PRICKLE2: variants seen among roughly 807,000 people sequenced by gnomAD.
PRICKLE2 encodes the protein prickle-like protein 2.
PRICKLE2 carries 21 observed loss-of-function variants against 81.4 expected under a neutral mutation model. That is an observed-to-expected ratio of 0.26 (90% CI 0.18 to 0.37). The LOEUF is 0.37. Ranked by LOEUF, PRICKLE2 falls within the 10% of genes least tolerant of loss-of-function variation. The pLI, the probability that PRICKLE2 is intolerant of heterozygous loss-of-function variation, is 1.00. For missense variants in PRICKLE2, 940 were observed against 1,109.0 expected (o/e 0.85, Z 2.16); for synonymous variants, 456 against 421.5 (o/e 1.08, Z -1.00).
intron 7 of PRICKLE2, among the ~76,000 whole-genome samples, chr3:64,127,022 T>C (rs1025991114): frequency 2.6e-5 from 4 of 152,202 alleles, no homozygotes; most frequent in Non-Finnish European, 5.9e-5. Context: ...CTCCAGCTGC[T>C]GGGGCAACAC....
Position 64,097,568 on chromosome 3 carries a change from C to T in PRICKLE2, c.*1483G>A, listed in dbSNP as rs1257091934. 1.3e-5 allele frequency: 2 copies of T among 152,560 alleles called. No homozygotes were observed. Among genetic ancestry groups the T allele is most frequent in the Admixed American group, 6.5e-5 (1 of 15,272 alleles). 9.5% of individuals were successfully genotyped at this position (152,560 alleles called of 1,614,324 possible). ...TTTATTTTACTATAAACAGCACAAC[C>T]GTTAAATGTCTTCATTAAGCAAACT... On this transcript the variant is annotated 3_prime_UTR_variant, in exon 8 of 8. Transcript: ENST00000638394.
At position 64,225,170 on chromosome 3, in the gene PRICKLE2, C is replaced by T. The variant is rs1393491135; in HGVS notation, c.-301G>A. 1.6e-5 allele frequency: 16 copies of T among 985,408 alleles called. No individual in the cohort carries two copies. The highest frequency in any genetic ancestry group is 1.9e-5 in the Non-Finnish European group (16 of 829,958). The allele number at this position is 985,408 out of a possible 1,614,324, so 61.0% of individuals were successfully genotyped here. On this transcript the variant is annotated 5_prime_UTR_variant, in exon 1 of 8. In the 5' UTR this introduces an upstream ATG that the reference lacks. Coordinates refer to ENST00000638394, the MANE Select transcript of PRICKLE2 (RefSeq NM_198859.4). ...GATCCAGACTCTGCTGGGGAATTCA[C>T]CAAGCAAGAGAAAAAAAGTATGACT...
intron 1 of PRICKLE2, among the ~76,000 whole-genome samples, chr3:64,207,748 C>T (rs1379866272): frequency 6.6e-6 from 1 of 152,084 alleles, no homozygotes; most frequent in East Asian, 1.9e-4. Flanking sequence ...ATCTGACAAC[C>T]AGATTTCACT....
At chr3:64,119,421 G>T (rs778932779) in intron 7 of PRICKLE2, among the ~76,000 whole-genome samples, 3 of 152,082 alleles carry the variant, frequency 2.0e-5, no homozygotes, top group Non-Finnish European at 4.4e-5. Flanking sequence ...CTTCTCAAAA[G>T]AACACATACG....
At chr3:64,260,533 A>G (rs1042612774) in intron 2 of PRICKLE2, among the ~76,000 whole-genome samples, 12 of 152,224 alleles carry the variant, frequency 7.9e-5, no homozygotes, top group Admixed American at 6.5e-4. Context: ...GCAGGCAAAT[A>G]AAACCTCTGT....
chr3:64,165,017 C>T (rs1474960848), intron 2 of PRICKLE2, among the ~76,000 whole-genome samples: 1 of 152,176 alleles, frequency 6.6e-6, no homozygotes, highest in African/African-American at 2.4e-5. Context: ...TGTAGAAAGG[C>T]CTTGTTCCAT....
intron 2 of PRICKLE2, among the ~76,000 whole-genome samples, chr3:64,235,496 C>A (rs2079166362): frequency 6.6e-6 from 1 of 152,134 alleles, no homozygotes; most frequent in South Asian, 2.1e-4. Context: ...TATATTATAG[C>A]AATTCTGGAT....
At chr3:64,132,560 G>A (rs1359623721) in intron 7 of PRICKLE2, among the ~76,000 whole-genome samples, 2 of 152,190 alleles carry the variant, frequency 1.3e-5, no homozygotes, top group African/African-American at 4.8e-5. Flanking sequence ...CGTACACTGG[G>A]CAACTAGCAG....
intron 2 of PRICKLE2, among the ~76,000 whole-genome samples, chr3:64,256,001 G>C (rs1009622761): frequency 6.6e-6 from 1 of 152,174 alleles, no homozygotes; most frequent in Non-Finnish European, 1.5e-5. Context: ...AGCAAGCTGG[G>C]TCTCTGTGAC....
upstream of PRICKLE2, among the ~76,000 whole-genome samples, chr3:64,227,795 A>T (rs1051827823): frequency 6.6e-6 from 1 of 152,228 alleles, no homozygotes; most frequent in Non-Finnish European, 1.5e-5. Context: ...AATAAGTGTT[A>T]GCTATTGGTA....
chr3:64,112,379 C>T (rs2076862567), intron 7 of PRICKLE2, among the ~76,000 whole-genome samples: 1 of 152,182 alleles, frequency 6.6e-6, no homozygotes, highest in Non-Finnish European at 1.5e-5. Context: ...TCTCCCTTCT[C>T]TACAGGTGGG....
chr3:64,159,569 C>T (rs2077696755), intron 4 of PRICKLE2, among the ~76,000 whole-genome samples: 1 of 152,200 alleles, frequency 6.6e-6, no homozygotes. Context: ...TTCCTTCTGC[C>T]TTAGCATTCC....
chr3:64,238,213 G>T (rs1437849328), intron 2 of PRICKLE2, among the ~76,000 whole-genome samples: 1 of 152,168 alleles, frequency 6.6e-6, no homozygotes. Flanking sequence ...TTGGCTGGGT[G>T]GGGTGGCTCA....
At chr3:64,107,455 G>A (rs902784936) in intron 7 of PRICKLE2, among the ~76,000 whole-genome samples, 13 of 152,084 alleles carry the variant, frequency 8.5e-5, no homozygotes, top group Non-Finnish European at 4.4e-5. Context: ...AAGATTGAAC[G>A]GCAGACTTTA....
intron 7 of PRICKLE2, among the ~76,000 whole-genome samples, chr3:64,136,477 G>GT (rs1265016403): frequency 6.7e-6 from 1 of 150,226 alleles, no homozygotes; most frequent in East Asian, 1.9e-4. Flanking sequence ...TGAACGTAGT[G>GT]TAAGTGATCC....
chr3:64,128,743 CAAAAA>C (rs34396377), intron 7 of PRICKLE2, among the ~76,000 whole-genome samples: 3 of 94,106 alleles, frequency 3.2e-5, no homozygotes, highest in South Asian at 3.8e-4. Context: ...AAGACTGTCT[CAAAAA>C]AAAAAAAAAA....
chr3:64,111,757 G>A (rs941140951), intron 7 of PRICKLE2, among the ~76,000 whole-genome samples: 1 of 152,178 alleles, frequency 6.6e-6, no homozygotes, highest in African/African-American at 2.4e-5. Flanking sequence ...TTACTTTGGA[G>A]AGGAAGGAAG....
chr3:64,221,917 G>A (rs1288514624), intron 1 of PRICKLE2, among the ~76,000 whole-genome samples: 2 of 152,130 alleles, frequency 1.3e-5, no homozygotes, highest in South Asian at 2.1e-4. Context: ...AGCACTAGAC[G>A]GGTACCACGG....
chr3:64,231,229 C>T (rs1234785561), intron 2 of PRICKLE2, among the ~76,000 whole-genome samples: 1 of 152,068 alleles, frequency 6.6e-6, no homozygotes, highest in African/African-American at 2.4e-5. Context: ...CTAGACTGTG[C>T]ACATCAAAAT....
Sources: gnomAD v4.1 joint callset for allele counts (sites outside exome capture counted in the v4.1 genomes callset) on GRCh38, gnomAD v4.1.1 for gene constraint, MANE v1.5 for transcripts, NCBI Gene and HGNC (gene_info 2026-07-23, HGNC 2026-07-21) for gene names.